The following FAT2 variants were observed in gnomAD, a reference collection of about 807,000 sequenced individuals.
The protein encoded by FAT2 is protocadherin Fat 2.
Under a neutral mutation model 295.3 loss-of-function variants are expected in FAT2, and 150 were observed. The ratio of observed to expected loss-of-function variants is 0.51; its 90% CI spans 0.44 to 0.58. FAT2 has a LOEUF of 0.58. Among genes scored for constraint, FAT2 ranks in the 20% least tolerant of loss-of-function variants. FAT2 has a pLI of 0.00. For synonymous variants in FAT2, 2,026 were observed against 2,150.3 expected, an observed-to-expected ratio of 0.94 and a Z score of 1.60; for missense variants, 4,868 against 5,442.7, an observed-to-expected ratio of 0.89 and a Z score of 3.32.
intron 20 of FAT2, among the ~76,000 whole-genome samples, chr5:151,514,174 G>A (rs1338268284): frequency 6.6e-6 from 1 of 152,108 alleles, no homozygotes; most frequent in Non-Finnish European, 1.5e-5. Flanking sequence ...TACTTAAAAA[G>A]GAGACACTAT....
chr5:151,540,805 A>T (rs910150440), intron 10 of FAT2, 42 bp from the exon 11 acceptor site: 3 of 1,564,972 alleles, frequency 1.9e-6, no homozygotes, highest in Non-Finnish European at 2.6e-6. Flanking sequence ...AAGCAATAGG[A>T]ATGAACTAGG....
chr5:151,522,698 G>C (rs1332184508), intron 18 of FAT2, among the ~76,000 whole-genome samples: 1 of 152,222 alleles, frequency 6.6e-6, no homozygotes, highest in Non-Finnish European at 1.5e-5. Context: ...AGTCTCTGTG[G>C]AGTGACATTT....
rs1026873315 is a variant in FAT2 at position 151,543,126 on chromosome 5, G to T, written c.8001C>A (p.Gly2667=). The T allele has an allele frequency of 1.9e-6, 3 of 1,614,134 alleles. No homozygotes were observed. The highest frequency in any genetic ancestry group is 1.3e-5 in the African/African-American group (1 of 75,024). ...GCACCAGAGAGTTCCAGTGAGGAGG[G>T]CCTCCATCTTGGGCTTTGATGAAGA... ...LDFFIKAQDG[G]PPHWNSLVPV... The change falls in exon 10 of 24, where the codon GGC becomes GGA. Residue 2667 remains glycine (G), a synonymous_variant. Coordinates refer to ENST00000261800, the MANE Select transcript of FAT2 (RefSeq NM_001447.3).
At chr5:151,555,540 T>C (rs1205455393) in intron 4 of FAT2, among the ~76,000 whole-genome samples, 2 of 151,728 alleles carry the variant, frequency 1.3e-5, no homozygotes, top group African/African-American at 2.4e-5. Context: ...TGGCTAATTT[T>C]TGTATTTTTA....
rs140509751 is a variant in FAT2 at position 151,525,236 on chromosome 5, T to C, written c.10506+532A>G. On this transcript the variant is annotated intron_variant, in intron 18 of 23. Coordinates refer to ENST00000261800, the MANE Select transcript of FAT2 (RefSeq NM_001447.3). ...GGAGAAATAAAGTGAGGGAGAGATA[T>C]CAGACCACCATCTTGGCCACTGTTC... Among the ~76,000 whole-genome samples the C allele has an allele frequency of 8.1e-3, 1,231 of 152,306 alleles. 26 individuals are homozygous for C. Among genetic ancestry groups the C allele is most frequent in the African/African-American group, 0.029 (1,186 of 41,568 alleles).
chr5:151,515,430 C>A (rs1752759939), intron 20 of FAT2, among the ~76,000 whole-genome samples: 1 of 152,180 alleles, frequency 6.6e-6, no homozygotes, highest in South Asian at 2.1e-4. Context: ...ATCTCCATCT[C>A]CAGCATAGAC....
rs184280396 is a variant in FAT2, at chr5:151,582,977, G to A, written c.-21+8188C>T. Reference sequence around the variant, plus strand: ...AGCTTCATGCCTAACTTTATCACCTGGAAGTCTCTGAGCCTACACATATCA... The same window carrying A: ...AGCTTCATGCCTAACTTTATCACCTAGAAGTCTCTGAGCCTACACATATCA... On this transcript the variant is annotated intron_variant, in intron 1 of 23. Transcript: ENST00000261800. Among the ~76,000 whole-genome samples the A allele has an allele frequency of 3.6e-3, 554 of 152,174 alleles. 2 individuals carry two copies. The highest frequency in any genetic ancestry group is 5.5e-3 in the Non-Finnish European group (376 of 68,004).
Position 151,537,822 on chromosome 5 carries a change from G to C in FAT2, c.9164C>G (p.Ala3055Gly). Residue 3055 changes from alanine (A) to glycine (G), a missense_variant, in exon 12 of 24, where the codon GCG becomes GGG. Around this residue, in one of 5 missense-constraint regions of FAT2, gnomAD observed 1,046 missense variants for 1,210.1 expected, o/e 0.86. Coordinates refer to ENST00000261800, the MANE Select transcript of FAT2 (RefSeq NM_001447.3). The part of the protein sequence containing the change: ...QITYSLHGPG[A>G]HEFKLDPHTG... ...ATGAGGATCCAGCTTGAATTCATGCGCCCCAGGGCCATGCAGAGAATATGT... is the reference window on the plus strand; with the variant it reads ...ATGAGGATCCAGCTTGAATTCATGCCCCCCAGGGCCATGCAGAGAATATGT... 6.2e-7 allele frequency: 1 copy of C among 1,611,110 alleles called. No homozygotes were observed. The highest frequency in any genetic ancestry group is 8.5e-7 in the Non-Finnish European group (1 of 1,178,360).
Position 151,512,687 on chromosome 5 carries a change from G to T in FAT2, c.11464-81C>A. On this transcript the variant is annotated intron_variant, in intron 20 of 23. Coordinates refer to ENST00000261800, the MANE Select transcript of FAT2 (RefSeq NM_001447.3). The surrounding 1 kb of genome is among the most constrained non-coding windows in gnomAD (Gnocchi z 4.1). Reference sequence around the variant, plus strand: ...CTAAGAGGCTGCCAGTTCAAAGAATGTTGTTTGTATTTTTATGGGTAGGAG... The same window carrying T: ...CTAAGAGGCTGCCAGTTCAAAGAATTTTGTTTGTATTTTTATGGGTAGGAG... 1 of 1,314,666 alleles carries T rather than the reference G, an allele frequency of 7.6e-7. No homozygotes were observed. The highest frequency in any genetic ancestry group is 1.0e-6 in the Non-Finnish European group (1 of 962,162). 81.4% of individuals were successfully genotyped at this position (1,314,666 alleles called of 1,614,324 possible).
chr5:151,588,659 A>T (rs1332964407), intron 1 of FAT2, among the ~76,000 whole-genome samples: 2 of 152,168 alleles, frequency 1.3e-5, no homozygotes, highest in African/African-American at 4.8e-5. Flanking sequence ...AGCAAGACAG[A>T]CCCATGGCTT....
At position 151,504,352 on chromosome 5, in the gene FAT2, G is replaced by C. The variant is rs1437249068; in HGVS notation, c.*1213C>G. On this transcript the variant is annotated 3_prime_UTR_variant, in exon 24 of 24. Coordinates refer to ENST00000261800, the MANE Select transcript of FAT2 (RefSeq NM_001447.3). ...GGGACTGGGTGGGAGGGAGTGGTGAGGTCACCAAAGGCCACAGAGGCTTCT... is the reference window on the plus strand; with the variant it reads ...GGGACTGGGTGGGAGGGAGTGGTGACGTCACCAAAGGCCACAGAGGCTTCT... 6.5e-6 allele frequency: 1 copy of C among 152,680 alleles called. No individual in the cohort carries two copies. The highest frequency in any genetic ancestry group is 6.5e-5 in the Admixed American group (1 of 15,284). 9.5% of individuals were successfully genotyped at this position (152,680 alleles called of 1,614,324 possible).
At position 151,545,409 on chromosome 5, in the gene FAT2, G is replaced by A. The variant is rs1561854202; in HGVS notation, c.5718C>T (p.Ser1906=). ...ASDEDSEVNY[S]IKTGNADEAV... is the part of the protein sequence containing the mutation. ...CTTCATCAGCATTGCCAGTTTTGAT[G>A]CTATAATTGACTTCTGAGTCTTCAT... is the stretch of plus-strand genomic sequence containing the variant. The change falls in exon 10 of 24, where the codon AGC becomes AGT. Residue 1906 remains serine (S), a synonymous_variant. Transcript: ENST00000261800. 1 of 1,614,166 alleles carries A rather than the reference G, an allele frequency of 6.2e-7. No homozygotes were observed. Among genetic ancestry groups the A allele is most frequent in the Non-Finnish European group, 8.5e-7 (1 of 1,180,022 alleles).
In FAT2 at chr5:151,519,394, A is replaced by G. The variant is rs373516762; in HGVS notation, c.11318-1629T>C. Among the ~76,000 whole-genome samples, 33 of 152,334 alleles carry G rather than the reference A, an allele frequency of 2.2e-4. No individual in the cohort carries two copies. In the East Asian group the frequency reaches 2.3e-3, roughly 11 times the overall value. On this transcript the variant is annotated intron_variant, in intron 19 of 23. Coordinates refer to ENST00000261800, the MANE Select transcript of FAT2 (RefSeq NM_001447.3). Reference sequence around the variant, plus strand: ...AGTCCAAAATTCCCTGACACTGGCAATTCCATTGTAGTAGGTACTTATTGG... The same window carrying G: ...AGTCCAAAATTCCCTGACACTGGCAGTTCCATTGTAGTAGGTACTTATTGG...
rs557470069 is a variant in FAT2, at chr5:151,506,183, G to A, written c.12518-86C>T. ...CTATAGCAACTATATATAACCTAGCGAGTGGTGGAGATGGGAGTGGGTGGG... is the reference window on the plus strand; with the variant it reads ...CTATAGCAACTATATATAACCTAGCAAGTGGTGGAGATGGGAGTGGGTGGG... On this transcript the variant is annotated intron_variant, in intron 23 of 23. Coordinates refer to ENST00000261800, the MANE Select transcript of FAT2 (RefSeq NM_001447.3). 1,661 of 1,396,282 alleles carry A rather than the reference G, an allele frequency of 1.2e-3. 10 individuals are homozygous for A. The highest frequency in any genetic ancestry group is 6.0e-3 in the Middle Eastern group (24 of 3,968). The allele number at this position is 1,396,282 out of a possible 1,614,324, so 86.5% of individuals were successfully genotyped here.
In FAT2 at chr5:151,556,368, C is replaced by G. The variant is rs772156952; in HGVS notation, c.3609G>C (p.Glu1203Asp). ...CCTCCAGGATGTGTTCATCCTTGTT[C>G]TCTCTGTCCAGCTGCTGGGCTGTAG... is the stretch of plus-strand genomic sequence containing the variant. ...LLSTAQQLDR[E>D]NKDEHILEVT... The change falls in exon 4 of 24, where the codon GAG becomes GAC. Residue 1203 changes from glutamate to aspartate, a missense_variant. This residue lies in a region of FAT2 where 3,297 missense variants were observed against 3,669.4 expected (regional missense o/e 0.90). Transcript: ENST00000261800. 5.0e-6 allele frequency: 8 copies of G among 1,613,756 alleles called. No individual in the cohort carries two copies. In the African/African-American group the frequency reaches 9.3e-5, roughly 19 times the overall value.
At chr5:151,529,950 G>A (rs1158978876) in intron 14 of FAT2, among the ~76,000 whole-genome samples, 1 of 152,158 alleles carries the variant, frequency 6.6e-6, no homozygotes, top group East Asian at 1.9e-4. Flanking sequence ...AGTTAATGGT[G>A]GACACTCTGC....
At chr5:151,572,869 C>T (rs1258798597) in intron 1 of FAT2, among the ~76,000 whole-genome samples, 1 of 152,196 alleles carries the variant, frequency 6.6e-6, no homozygotes, top group Non-Finnish European at 1.5e-5. Flanking sequence ...ACAGACTGTT[C>T]CGGGAAGCTG....
chr5:151,544,124 G>A lies in FAT2; in HGVS notation c.7003C>T (p.Gln2335Ter). ...NGSTGEMSTV[Q>*]ELDYEAQQHF... ...TGTTGGGCTTCATAATCCAGTTCTT[G>A]AACTGTGGACATCTCCCCTGTGCTC... The change falls in exon 10 of 24, where the codon CAA becomes TAA. Residue 2335 changes from glutamine to a stop codon, truncating the protein, a stop_gained. Coordinates refer to ENST00000261800, the MANE Select transcript of FAT2 (RefSeq NM_001447.3). LOFTEE classifies it high-confidence loss of function. 1 of 1,614,186 alleles carries A rather than the reference G, an allele frequency of 6.2e-7. No individual in the cohort carries two copies. Among genetic ancestry groups the A allele is most frequent in the Non-Finnish European group, 8.5e-7 (1 of 1,180,030 alleles).
Position 151,568,672 on chromosome 5 carries a change from T to C in FAT2, c.260A>G (p.Tyr87Cys), listed in dbSNP as rs561734616. ...TAGGAAGCAGAAGTTGCCCACCACA[T>C]ACTCCTCAGTTTTAAATACATTGGC... is the stretch of plus-strand genomic sequence containing the variant. ...DVANVFKTEE[Y>C]VVGNFCFLRI... Residue 87 changes from tyrosine to cysteine, a missense_variant, in exon 2 of 24, where the codon TAT (tyrosine) becomes TGT (cysteine). Transcript: ENST00000261800. 1 of 1,614,200 alleles carries C rather than the reference T, an allele frequency of 6.2e-7. No individual in the cohort carries two copies. Among genetic ancestry groups the C allele is most frequent in the East Asian group, 2.2e-5 (1 of 44,886 alleles).
Sources: gnomAD v4.1 joint callset for allele counts (sites outside exome capture counted in the v4.1 genomes callset) on GRCh38, gnomAD v4.1.1 for gene constraint, gnomAD v4.1.1 regional missense constraint, Gnocchi (gnomAD v3.1) non-coding constraint, MANE v1.5 for transcripts, NCBI Gene and HGNC (gene_info 2026-07-23, HGNC 2026-07-21) for gene names.